Variants in GPD1L observed in about 807,000 individuals in gnomAD.
GPD1L encodes the protein glycerol-3-phosphate dehydrogenase 1-like protein.
In GPD1L, 17 loss-of-function variants were observed where a neutral mutation model predicts 32.9. The observed-to-expected ratio is 0.52, with a 90% CI of 0.35 to 0.78. GPD1L has a LOEUF of 0.78. Ranked by LOEUF, GPD1L falls within the 30% of genes least tolerant of loss-of-function variation. The probability of loss-of-function intolerance (pLI) is 0.01; values close to 1 mark genes in which losing one functional copy is unlikely to be tolerated. For missense variants in GPD1L, 361 were observed against 447.8 expected, an observed-to-expected ratio of 0.81 and a Z score of 1.75; for synonymous variants, 187 against 165.9, an observed-to-expected ratio of 1.13 and a Z score of -0.98.
At chr3:32,146,095 T>C (rs1401957889) in intron 4 of GPD1L, among the ~76,000 whole-genome samples, 2 of 148,698 alleles carry the variant, frequency 1.3e-5, no homozygotes, top group East Asian at 2.0e-4. Context: ...TTTTTTTTTT[T>C]TTTTTTTTTG....
chr3:32,109,550 T>C (rs917807981), intron 1 of GPD1L, among the ~76,000 whole-genome samples: 2 of 152,228 alleles, frequency 1.3e-5, no homozygotes, highest in Non-Finnish European at 2.9e-5. Flanking sequence ...CCTGGCTTCA[T>C]TAATTATGGG....
intron 1 of GPD1L, among the ~76,000 whole-genome samples, chr3:32,125,432 C>T (rs1700491852): frequency 6.6e-6 from 1 of 152,322 alleles, no homozygotes; most frequent in Admixed American, 6.5e-5. Context: ...TGTGTCTGCT[C>T]TTCCCAGCCC....
intron 1 of GPD1L, among the ~76,000 whole-genome samples, chr3:32,123,839 T>TAGATAGATAGATAGATAGATAGAC (rs58722314): frequency 1.6e-3 from 218 of 134,576 alleles, no homozygotes; most frequent in Non-Finnish European, 1.8e-3. Context: ...GATAGATAGA[T>TAGATAGATAGATAGATAGATAGAC]AGACAGACAG....
At chr3:32,121,439 T>TTATATATATATTTCTC (rs1553657466) in intron 1 of GPD1L, among the ~76,000 whole-genome samples, 1 of 143,048 alleles carries the variant, frequency 7.0e-6, no homozygotes, top group African/African-American at 2.6e-5. Context: ...TAGGCTTTCT[T>TTATATATATATTTCTC]TATATATATA....
chr3:32,158,159 A>G (rs1476294315), intron 5 of GPD1L, among the ~76,000 whole-genome samples: 1 of 152,226 alleles, frequency 6.6e-6, no homozygotes, highest in Non-Finnish European at 1.5e-5. Flanking sequence ...AATTAAATCA[A>G]TTGCAGCATA....
chr3:32,109,144 C>T (rs971663300), intron 1 of GPD1L, among the ~76,000 whole-genome samples: 8 of 152,186 alleles, frequency 5.3e-5, no homozygotes, highest in Admixed American at 2.0e-4. Flanking sequence ...CCACCGTACC[C>T]GGCCGGCTTT....
intron 1 of GPD1L, among the ~76,000 whole-genome samples, chr3:32,124,719 A>G (rs1452592493): frequency 6.6e-6 from 1 of 152,162 alleles, no homozygotes; most frequent in African/African-American, 2.4e-5. Flanking sequence ...TGAGCCCAGG[A>G]GTTCAAGACT....
At chr3:32,151,315 CCTTAA>C (rs1395180770) in intron 5 of GPD1L, 3 of 647,986 alleles carry the variant, frequency 4.6e-6, no homozygotes, top group East Asian at 2.9e-5. Context: ...AGAATCTTGC[CCTTAA>C]CTTGTTTACC....
chr3:32,121,192 C>T (rs1247954463), intron 1 of GPD1L, among the ~76,000 whole-genome samples: 1 of 139,554 alleles, frequency 7.2e-6, no homozygotes, highest in Non-Finnish European at 1.5e-5. Context: ...CCCTTAGTCT[C>T]CCTGATCCTT....
chr3:32,121,190 CT>C (rs142356489), intron 1 of GPD1L, among the ~76,000 whole-genome samples: 6,603 of 151,934 alleles, frequency 0.043, 404 homozygotes, highest in East Asian at 0.24. Context: ...CTCCCTTAGT[CT>C]CCCTGATCCT....
At chr3:32,112,682 A>G (rs1040985193) in intron 1 of GPD1L, among the ~76,000 whole-genome samples, 1 of 152,218 alleles carries the variant, frequency 6.6e-6, no homozygotes. Context: ...TCTAGGAATG[A>G]GTCGAGAGCT....
chr3:32,157,448 C>T (rs1311041775), intron 5 of GPD1L, among the ~76,000 whole-genome samples: 1 of 152,140 alleles, frequency 6.6e-6, no homozygotes, highest in Non-Finnish European at 1.5e-5. Flanking sequence ...ATCTTTGCAG[C>T]TCTCCCCTGG....
intron 5 of GPD1L, among the ~76,000 whole-genome samples, chr3:32,148,468 T>A (rs1700864598): frequency 6.6e-6 from 1 of 152,176 alleles, no homozygotes; most frequent in South Asian, 2.1e-4. Context: ...CCCTGCAACT[T>A]CCCACACAAT....
At chr3:32,127,840 G>T (rs1575111436) in intron 1 of GPD1L, among the ~76,000 whole-genome samples, 1 of 152,178 alleles carries the variant, frequency 6.6e-6, no homozygotes, top group Admixed American at 6.5e-5. Context: ...CTAGTTTCAA[G>T]GGGTGGTGCA....
chr3:32,139,295 G>A (rs1186838561), intron 3 of GPD1L, among the ~76,000 whole-genome samples: 1 of 152,186 alleles, frequency 6.6e-6, no homozygotes, highest in Non-Finnish European at 1.5e-5. Context: ...GTCAATAGGA[G>A]TCGCAGGGCT....
chr3:32,128,031 G>T, intron 1 of GPD1L, 45 bp from the exon 2 acceptor site: 1 of 1,353,146 alleles, frequency 7.4e-7, no homozygotes, highest in Non-Finnish European at 1.1e-6. Flanking sequence ...TTTCTCTCCC[G>T]CCCAAGTGAG....
At chr3:32,117,791 T>G (rs1700353969) in intron 1 of GPD1L, among the ~76,000 whole-genome samples, 1 of 152,218 alleles carries the variant, frequency 6.6e-6, no homozygotes, top group African/African-American at 2.4e-5. Context: ...AGACTGTGAC[T>G]TAGACATTCT....
intron 2 of GPD1L, among the ~76,000 whole-genome samples, chr3:32,134,421 T>G (rs1195169840): frequency 4.6e-5 from 7 of 152,182 alleles, no homozygotes; most frequent in Non-Finnish European, 1.0e-4. Context: ...GGTTCCTCTT[T>G]GATTTATTAA....
Position 32,149,927 on chromosome 3 carries a change from C to T in GPD1L, c.618+3193C>T, listed in dbSNP as rs373253794. 6.2e-5 allele frequency among the ~76,000 whole-genome samples: 9 copies of T among 144,280 alleles called. No homozygotes were observed. The South Asian group carries it at 8.7e-4, about 14-fold the overall frequency. 94.7% of individuals were successfully genotyped at this position (144,280 alleles called of 152,430 possible). On this transcript the variant is annotated intron_variant, in intron 5 of 7. Coordinates refer to ENST00000282541, the MANE Select transcript of GPD1L (RefSeq NM_015141.4). Reference sequence around the variant, plus strand: ...TCGTGCCACTGCACTCCAGCCTGGGCGACAGAGTGAGACTCCGTCTCAAAA... The same window carrying T: ...TCGTGCCACTGCACTCCAGCCTGGGTGACAGAGTGAGACTCCGTCTCAAAA...
Sources: allele counts gnomAD v4.1 joint callset (sites outside exome capture counted in the v4.1 genomes callset), GRCh38; gene constraint gnomAD v4.1.1; transcripts MANE v1.5; gene names NCBI Gene and HGNC (gene_info 2026-07-23, HGNC 2026-07-21).